The following CALD1 variants were observed in gnomAD, a reference collection of about 807,000 sequenced individuals.
CALD1 encodes the protein caldesmon.
A neutral mutation model predicts 99.9 loss-of-function variants in CALD1; 33 were observed. The observed-to-expected ratio is 0.33, with a 90% CI of 0.25 to 0.44. The LOEUF is 0.44. CALD1 is among the 20% of genes least tolerant of loss of function. The probability of loss-of-function intolerance (pLI) is 1.00; values close to 1 mark genes in which losing one functional copy is unlikely to be tolerated. For synonymous variants in CALD1, 310 were observed against 325.0 expected, an observed-to-expected ratio of 0.95 and a Z score of 0.50; for missense variants, 861 against 962.1, an observed-to-expected ratio of 0.89 and a Z score of 1.39.
intron 1 of CALD1, among the ~76,000 whole-genome samples, chr7:134,821,834 G>C (rs1193688734): frequency 1.3e-5 from 2 of 152,044 alleles, no homozygotes; most frequent in Non-Finnish European, 2.9e-5. Flanking sequence ...GCCCACCTCG[G>C]CCTCCCAAAG....
intron 4 of CALD1, among the ~76,000 whole-genome samples, chr7:134,931,832 C>T (rs1805544374): frequency 6.6e-6 from 1 of 152,138 alleles, no homozygotes; most frequent in African/African-American, 2.4e-5. Context: ...AAAAGATGGA[C>T]AAGAAACCCT....
chr7:134,793,816 A>G (rs1424105332), intron 1 of CALD1, among the ~76,000 whole-genome samples: 2 of 145,658 alleles, frequency 1.4e-5, no homozygotes, highest in Non-Finnish European at 3.0e-5. Flanking sequence ...CCATTTATGT[A>G]CCATTTTTTT....
chr7:134,896,214 G>A (rs766549184), intron 3 of CALD1, among the ~76,000 whole-genome samples: 8 of 152,192 alleles, frequency 5.3e-5, no homozygotes, highest in East Asian at 1.9e-4. Context: ...GTGTGCTCTC[G>A]CCATTGTTCC....
chr7:134,763,856 T>C (rs1050777904), intron 1 of CALD1, among the ~76,000 whole-genome samples: 28 of 149,680 alleles, frequency 1.9e-4, no homozygotes, highest in African/African-American at 6.7e-4. Flanking sequence ...AGGCAGAGTT[T>C]GCAGTGAGCC....
chr7:134,861,704 T>C (rs557277180), intron 2 of CALD1, among the ~76,000 whole-genome samples: 5 of 152,340 alleles, frequency 3.3e-5, no homozygotes, highest in East Asian at 1.9e-4. Context: ...TTATTGTATA[T>C]TGATTGTATA....
At chr7:134,947,922 T>A in intron 8 of CALD1, 153 bp downstream of exon 8, 1 of 907,564 alleles carries the variant, frequency 1.1e-6, no homozygotes, top group Non-Finnish European at 1.6e-6. Flanking sequence ...GTAGATGTAT[T>A]AATTTGTCCA....
At chr7:134,747,890 G>C (rs1796649528) in intron 1 of CALD1, among the ~76,000 whole-genome samples, 1 of 152,246 alleles carries the variant, frequency 6.6e-6, no homozygotes. Flanking sequence ...AGAGACCACA[G>C]ACCAGTAGAG....
chr7:134,781,765 T>C (rs1797113690), intron 1 of CALD1, among the ~76,000 whole-genome samples: 1 of 152,252 alleles, frequency 6.6e-6, no homozygotes, highest in Non-Finnish European at 1.5e-5. Context: ...ATAGAAGGTG[T>C]AATTTAAATC....
chr7:134,740,647 C>A (rs1277993802), upstream of CALD1, among the ~76,000 whole-genome samples: 1 of 152,174 alleles, frequency 6.6e-6, no homozygotes, highest in Non-Finnish European at 1.5e-5. Context: ...TTTTTAAATT[C>A]TGTGTACATT....
At chr7:134,722,102 C>A in the CALD1 span, among the ~76,000 whole-genome samples, 2 of 152,260 alleles carry the variant, frequency 1.3e-5, no homozygotes, top group Admixed American at 6.5e-5. Flanking sequence ...GATCCTAACA[C>A]GTGGAAGTCT....
At chr7:134,934,563 AATAATGGTCAGACATTT>A (rs1388807081) in intron 5 of CALD1, among the ~76,000 whole-genome samples, 1 of 152,250 alleles carries the variant, frequency 6.6e-6, no homozygotes, top group East Asian at 1.9e-4. Context: ...AGACATGAAG[AATAATGGTCAGACATTT>A]CATCTTAAGA....
chr7:134,743,423 T>C (rs1796607697), upstream of CALD1, among the ~76,000 whole-genome samples: 1 of 152,228 alleles, frequency 6.6e-6, no homozygotes, highest in African/African-American at 2.4e-5. Flanking sequence ...TGTTATACTT[T>C]GAAGTTTTTC....
chr7:134,929,621 C>CACACACATATACACACACGTGTGTGTGT lies in CALD1; in HGVS notation c.218+721_218+722insACACACATATACACACACGTGTGTGTGT. Among the ~76,000 whole-genome samples the CACACACATATACACACACGTGTGTGTGT allele has an allele frequency of 1.4e-3, 6 of 4,240 alleles. 1 individual carries two copies. Among genetic ancestry groups the CACACACATATACACACACGTGTGTGTGT allele is most frequent in the African/African-American group, 5.9e-3 (4 of 676 alleles). 2.8% of individuals were successfully genotyped at this position (4,240 alleles called of 152,430 possible). On this transcript the variant is annotated intron_variant, in intron 4 of 14. Coordinates refer to ENST00000361675, the MANE Select transcript of CALD1 (RefSeq NM_033138.4). ...GTATTCCATGGTGTGTGTATATATA[C>CACACACATATACACACACGTGTGTGTGT]GTGTGTGTGTGTGTGTGTGTGTGTG...
intron 1 of CALD1, among the ~76,000 whole-genome samples, chr7:134,779,991 T>C (rs2131667301): frequency 6.6e-6 from 1 of 152,250 alleles, no homozygotes; most frequent in Admixed American, 6.5e-5. Context: ...ATATAGAGAC[T>C]TACATTTAGG....
chr7:134,951,554 ATTT>A (rs1022997097), intron 9 of CALD1, among the ~76,000 whole-genome samples: 16 of 152,164 alleles, frequency 1.1e-4, no homozygotes, highest in South Asian at 2.1e-4. Flanking sequence ...ACAGGTGCAA[ATTT>A]TAAAGCAATT....
intron 1 of CALD1, among the ~76,000 whole-genome samples, chr7:134,821,520 T>C (rs1798772362): frequency 6.6e-6 from 1 of 150,932 alleles, no homozygotes; most frequent in African/African-American, 2.5e-5. Context: ...GTGCTAGATA[T>C]AGGTGATTTT....
At chr7:134,856,048 T>G (rs1800286326) in intron 2 of CALD1, among the ~76,000 whole-genome samples, 1 of 152,236 alleles carries the variant, frequency 6.6e-6, no homozygotes, top group African/African-American at 2.4e-5. Flanking sequence ...TGTGAGGAAC[T>G]CTAACATCAG....
At chr7:134,951,908 A>C (rs1478501084) in intron 9 of CALD1, among the ~76,000 whole-genome samples, 1 of 152,238 alleles carries the variant, frequency 6.6e-6, no homozygotes, top group African/African-American at 2.4e-5. Context: ...TGATGAATAA[A>C]GGAATGAATC....
chr7:134,734,697 C>T, the CALD1 span, among the ~76,000 whole-genome samples: 1 of 152,104 alleles, frequency 6.6e-6, no homozygotes, highest in African/African-American at 2.4e-5. Context: ...TAAATGGGAG[C>T]TCCCCTGCAC....
Sources: allele counts gnomAD v4.1 joint callset (sites outside exome capture counted in the v4.1 genomes callset), GRCh38; gene constraint gnomAD v4.1.1; transcripts MANE v1.5; gene names NCBI Gene and HGNC (gene_info 2026-07-23, HGNC 2026-07-21).